Variants in ABCA6 observed in about 807,000 individuals in gnomAD.
The protein encoded by ABCA6 is ATP binding cassette subfamily A member 6.
In ABCA6, 164 loss-of-function variants were observed where a neutral mutation model predicts 191.2. The ratio of observed to expected loss-of-function variants is 0.86; its 90% confidence interval spans 0.76 to 0.98. The LOEUF (loss-of-function observed/expected upper bound fraction) is 0.98, where lower values mean the gene tolerates loss of function less well. Ranked by LOEUF, ABCA6 falls within the 50% of genes least tolerant of loss-of-function variation. ABCA6 has a pLI of 0.00. For missense variants in ABCA6, 1,958 were observed against 1,894.1 expected, an observed-to-expected ratio of 1.03 and a Z score of -0.63; for synonymous variants, 636 against 647.7, an observed-to-expected ratio of 0.98 and a Z score of 0.27.
intron 15 of ABCA6, 137 bp from the exon 16 acceptor site, chr17:69,112,410 T>C: frequency 1.6e-6 from 1 of 607,112 alleles, no homozygotes; most frequent in South Asian, 2.3e-5. Context: ...AGTGTGCATT[T>C]TAACATTTGA....
intron 11 of ABCA6, among the ~76,000 whole-genome samples, chr17:69,116,897 A>AT (rs1161798658): frequency 2.0e-5 from 3 of 152,134 alleles, no homozygotes; most frequent in Admixed American, 1.3e-4. Context: ...AGGTGCTGCT[A>AT]TTTTTAAAAT....
chr17:69,126,370 A>C (rs974707605), intron 8 of ABCA6, among the ~76,000 whole-genome samples: 13 of 152,172 alleles, frequency 8.5e-5, no homozygotes, highest in African/African-American at 3.1e-4. Context: ...AAACAGGCCA[A>C]GTGCATGGAT....
In ABCA6 at chr17:69,124,990, G is replaced by A. The variant is rs766028975; in HGVS notation, c.1165C>T (p.Pro389Ser). 5 of 1,510,486 alleles carry A rather than the reference G, an allele frequency of 3.3e-6. No homozygotes were observed. Among genetic ancestry groups the A allele is most frequent in the Middle Eastern group, 1.8e-4 (1 of 5,658 alleles). 93.6% of individuals were successfully genotyped at this position (1,510,486 alleles called of 1,614,324 possible). The change falls in exon 9 of 39, where the codon CCT becomes TCT. Residue 389 changes from proline to serine, a missense_variant. Transcript: ENST00000284425. ...ATCATTGTATATGAGTCTCCTGAAG[G>A]GTCAGGAAAAATTACACCATTCAAG... ...YNLNGVIFPDPSGDSYTMIAT... is the reference protein window; with the variant it reads ...YNLNGVIFPDSSGDSYTMIAT...
intron 20 of ABCA6, among the ~76,000 whole-genome samples, chr17:69,103,425 T>C (rs1038560928): frequency 1.3e-5 from 2 of 152,196 alleles, no homozygotes; most frequent in Non-Finnish European, 2.9e-5. Context: ...TGTTTTACTT[T>C]ATTCTAAACA....
At chr17:69,106,594 A>G (rs2073310456) in intron 18 of ABCA6, among the ~76,000 whole-genome samples, 1 of 1,242 alleles carries the variant, frequency 8.1e-4, no homozygotes, top group Admixed American at 0.017. Context: ...CTCCATCTCG[A>G]AAAAAAAAAA....
chr17:69,087,727 T>C, intron 28 of ABCA6: 1 of 487,608 alleles, frequency 2.1e-6, no homozygotes, highest in Non-Finnish European at 3.6e-6. Flanking sequence ...GTACTGCTCC[T>C]TTCTCTTTAA....
chr17:69,089,350 A>T, intron 27 of ABCA6, 115 bp downstream of exon 27: 2 of 956,120 alleles, frequency 2.1e-6, no homozygotes, highest in Non-Finnish European at 3.2e-6. Context: ...TAAGTGCTTT[A>T]TCTAAGATCA....
chr17:69,110,856 T>G lies in ABCA6; in HGVS notation c.2217A>C (p.Glu739Asp). The G allele has an allele frequency of 6.2e-7, 1 of 1,612,184 alleles. No homozygotes were observed. The change falls in exon 17 of 39, where the codon GAA becomes GAC. Residue 739 changes from glutamate (E) to aspartate (D), a missense_variant. By Grantham distance (45) the Glu-to-Asp change is conservative. Transcript: ENST00000284425. Reference sequence around the variant, plus strand: ...AAGTATATACAAGCTTTTCTTTGTTTTCTGTTTTTAATTTAGCATCGGGGA... The same window carrying G: ...AAGTATATACAAGCTTTTCTTTGTTGTCTGTTTTTAATTTAGCATCGGGGA... ...HHIPDAKLKT[E>D]NKEKLVYTLP...
chr17:69,133,934 C>T (rs2073907949), intron 5 of ABCA6, 67 bp from the exon 6 acceptor site: 2 of 1,110,308 alleles, frequency 1.8e-6, no homozygotes, highest in East Asian at 2.5e-5. Context: ...TATGAGTAAG[C>T]TCTGTGTATT....
At position 69,091,562 on chromosome 17, in the gene ABCA6, G is replaced by A. The variant is rs1326594881; in HGVS notation, c.3409-300C>T. Among the ~76,000 whole-genome samples the A allele has an allele frequency of 1.1e-4, 2 of 17,830 alleles. 1 individual carries two copies. Among genetic ancestry groups the A allele is most frequent in the African/African-American group, 1.0e-3 (2 of 1,952 alleles). 11.7% of individuals were successfully genotyped at this position (17,830 alleles called of 152,430 possible). On this transcript the variant is annotated intron_variant, in intron 25 of 38. Transcript: ENST00000284425. Reference sequence around the variant, plus strand: ...TTTTGAGACGGAGTCTCGCTCTGTCGCCCAGGCTGGAGTGCAGTGGCGGGA... The same window carrying A: ...TTTTGAGACGGAGTCTCGCTCTGTCACCCAGGCTGGAGTGCAGTGGCGGGA...
chr17:69,081,211 A>T, intron 36 of ABCA6, 66 bp from the exon 37 acceptor site: 1 of 764,934 alleles, frequency 1.3e-6, no homozygotes, highest in Non-Finnish European at 2.2e-6. Context: ...ATCAGAATAA[A>T]TATTGATATT....
intron 30 of ABCA6, 130 bp downstream of exon 30, chr17:69,086,486 AAT>A (rs68086602): frequency 0.09 from 14,569 of 161,744 alleles, 633 homozygotes; most frequent in Non-Finnish European, 0.1. Flanking sequence ...TGGCACACTA[AAT>A]ATATATATAT....
At position 69,096,342 on chromosome 17, in the gene ABCA6, A is replaced by G. The variant is rs1302852025; in HGVS notation, c.3306T>C (p.Thr1102=). Residue 1102 remains threonine, a synonymous_variant, in exon 25 of 39, where the codon ACT becomes ACC. Coordinates refer to ENST00000284425, the MANE Select transcript of ABCA6 (RefSeq NM_080284.3). ...AGACAAGAGAAGCTGCATAACCAGGAGTAACTATAACCTGAGCATAAAAGA... is the reference window on the plus strand; with the variant it reads ...AGACAAGAGAAGCTGCATAACCAGGGGTAACTATAACCTGAGCATAAAAGA... ...SQIVFALVIV[T]PGYAASLVFF... 6.8e-7 allele frequency: 1 copy of G among 1,473,646 alleles called. No individual in the cohort carries two copies. The highest frequency in any genetic ancestry group is 9.1e-7 in the Non-Finnish European group (1 of 1,096,018). 91.3% of individuals were successfully genotyped at this position (1,473,646 alleles called of 1,614,324 possible).
At chr17:69,102,635 A>G (rs1703769836) in intron 21 of ABCA6, among the ~76,000 whole-genome samples, 200 bp downstream of exon 21, 1 of 152,184 alleles carries the variant, frequency 6.6e-6, no homozygotes. Context: ...TTTCAAATGT[A>G]AAAGTTATCT....
intron 27 of ABCA6, 70 bp downstream of exon 27, chr17:69,089,395 A>T (rs1209886237): frequency 1.4e-6 from 2 of 1,419,862 alleles, no homozygotes; most frequent in Non-Finnish European, 2.0e-6. Flanking sequence ...CACTTTGGAC[A>T]AGATCAAATT....
At chr17:69,138,003 C>T (rs2073976173) in intron 2 of ABCA6, among the ~76,000 whole-genome samples, 1 of 152,174 alleles carries the variant, frequency 6.6e-6, no homozygotes, top group Non-Finnish European at 1.5e-5. Flanking sequence ...CATTCTCAGC[C>T]TACTGAAATT....
intron 6 of ABCA6, among the ~76,000 whole-genome samples, chr17:69,133,099 A>G (rs979409225): frequency 1.3e-5 from 2 of 152,224 alleles, no homozygotes; most frequent in Non-Finnish European, 2.9e-5. Flanking sequence ...TTTGTGTTGT[A>G]TGTCCTAGGA....
intron 1 of ABCA6, among the ~76,000 whole-genome samples, chr17:69,141,483 A>C (rs1258688691): frequency 1.3e-5 from 2 of 152,096 alleles, no homozygotes; most frequent in Non-Finnish European, 2.9e-5. Context: ...TGTAACCTCA[A>C]AATGAAATTC....
Position 69,087,203 on chromosome 17 carries a change from A to T in ABCA6, c.3819+150T>A, listed in dbSNP as rs559424667. ...TCTGAATAAGCGGAGTGCCTTGATT[A>T]TGCAGATACTTCTTTGGAGTGTCCT... On this transcript the variant is annotated intron_variant, in intron 29 of 38. Coordinates refer to ENST00000284425, the MANE Select transcript of ABCA6 (RefSeq NM_080284.3). 28 of 926,184 alleles carry T rather than the reference A, an allele frequency of 3.0e-5. No individual in the cohort carries two copies. In the African/African-American group the frequency reaches 4.5e-4, roughly 15 times the overall value. The allele number at this position is 926,184 out of a possible 1,614,324, so 57.4% of individuals were successfully genotyped here.
Sources: gnomAD v4.1 joint callset for allele counts (sites outside exome capture counted in the v4.1 genomes callset) on GRCh38, gnomAD v4.1.1 for gene constraint, MANE v1.5 for transcripts, NCBI Gene and HGNC (gene_info 2026-07-23, HGNC 2026-07-21) for gene names.